NKAIN2: variants seen among roughly 807,000 people sequenced by gnomAD.
The protein encoded by NKAIN2 is sodium/potassium transporting ATPase interacting 2.
Under a neutral mutation model 32.6 loss-of-function variants are expected in NKAIN2, and 14 were observed. The ratio of observed to expected loss-of-function variants is 0.43; its 90% CI spans 0.28 to 0.67. The LOEUF (loss-of-function observed/expected upper bound fraction) is 0.67. Ranked by LOEUF, NKAIN2 falls within the 30% of genes least tolerant of loss-of-function variation. The pLI, the probability that NKAIN2 is intolerant of heterozygous loss-of-function variation, is 0.17. For synonymous variants in NKAIN2, 80 were observed against 87.2 expected (o/e 0.92, Z 0.46); for missense variants, 198 against 258.3 (o/e 0.77, Z 1.60).
intron 1 of NKAIN2, among the ~76,000 whole-genome samples, chr6:123,861,470 G>A (rs1775783094): frequency 6.6e-6 from 1 of 152,120 alleles, no homozygotes; most frequent in African/African-American, 2.4e-5. Context: ...TTACAGTCCT[G>A]GTGATACACC....
chr6:124,540,486 A>T (rs1434305782), intron 3 of NKAIN2, among the ~76,000 whole-genome samples: 1 of 152,234 alleles, frequency 6.6e-6, no homozygotes, highest in Non-Finnish European at 1.5e-5. Context: ...TATTTTAAGG[A>T]AATATAGTTC....
chr6:124,332,694 A>T (rs921348360), intron 2 of NKAIN2, among the ~76,000 whole-genome samples: 6 of 152,190 alleles, frequency 3.9e-5, no homozygotes, highest in Admixed American at 3.9e-4. Context: ...ATGTCACTCT[A>T]CAATCATTAT....
intron 3 of NKAIN2, among the ~76,000 whole-genome samples, chr6:124,510,258 T>G (rs2114771265): frequency 6.6e-6 from 1 of 152,294 alleles, no homozygotes; most frequent in African/African-American, 2.4e-5. Context: ...ACCTTGTTCC[T>G]TTAATTTACT....
chr6:124,422,984 A>C (rs1774824576), intron 3 of NKAIN2, among the ~76,000 whole-genome samples: 1 of 152,250 alleles, frequency 6.6e-6, no homozygotes, highest in Admixed American at 6.5e-5. Context: ...CTAATTCCCG[A>C]GATAAAAATA....
At chr6:124,511,323 A>G (rs1290955877) in intron 3 of NKAIN2, among the ~76,000 whole-genome samples, 7 of 152,174 alleles carry the variant, frequency 4.6e-5, no homozygotes, top group African/African-American at 1.7e-4. Flanking sequence ...TAAAAACATG[A>G]TGAATTCTAC....
At chr6:124,180,968 G>A (rs946157719) in intron 1 of NKAIN2, among the ~76,000 whole-genome samples, 9 of 152,120 alleles carry the variant, frequency 5.9e-5, no homozygotes, top group African/African-American at 2.2e-4. Flanking sequence ...CTTTGACTCT[G>A]CAATTTCAGT....
At chr6:124,138,503 A>T (rs1001711576) in intron 1 of NKAIN2, among the ~76,000 whole-genome samples, 1 of 152,018 alleles carries the variant, frequency 6.6e-6, no homozygotes, top group African/African-American at 2.4e-5. Flanking sequence ...TATCCAGAGG[A>T]AAAGAAGTCA....
chr6:124,235,773 A>G (rs1792720885), intron 1 of NKAIN2, among the ~76,000 whole-genome samples: 1 of 151,578 alleles, frequency 6.6e-6, no homozygotes, highest in Admixed American at 6.6e-5. Flanking sequence ...TAGTTTTTGT[A>G]TTTTTAGTAG....
rs187504696 is a variant in NKAIN2 at position 124,077,726 on chromosome 6, T to C, written c.55-205279T>C. Among the ~76,000 whole-genome samples, 171 of 152,024 alleles carry C rather than the reference T, an allele frequency of 1.1e-3. 2 individuals carry two copies. The East Asian group carries it at 0.023, about 21-fold the overall frequency. On this transcript the variant is annotated intron_variant, in intron 1 of 6. Transcript: ENST00000368417. ...ATCCTCTAGCCTCAGCCTGCCTCCC[T>C]TGTGGGACCATAGATGCTCACCACC...
intron 1 of NKAIN2, among the ~76,000 whole-genome samples, chr6:123,833,120 G>A (rs1774454170): frequency 6.6e-6 from 1 of 152,066 alleles, no homozygotes. Flanking sequence ...TGTTGATTTT[G>A]TGAAAGGTGT....
chr6:123,886,393 C>T (rs1233461565), intron 1 of NKAIN2, among the ~76,000 whole-genome samples: 1 of 152,022 alleles, frequency 6.6e-6, no homozygotes, highest in Admixed American at 6.6e-5. Flanking sequence ...AAGAAGCACA[C>T]CCAGTACATA....
At chr6:123,824,395 T>G (rs548215572) in intron 1 of NKAIN2, among the ~76,000 whole-genome samples, 10 of 152,162 alleles carry the variant, frequency 6.6e-5, no homozygotes, top group African/African-American at 2.4e-4. Flanking sequence ...TTCTGGGAGC[T>G]ACACTGGTGG....
chr6:124,665,271 G>T (rs919498644), intron 4 of NKAIN2, among the ~76,000 whole-genome samples: 2 of 152,106 alleles, frequency 1.3e-5, no homozygotes, highest in Non-Finnish European at 2.9e-5. Flanking sequence ...TAAAAAAGCT[G>T]CAGTAATTGA....
At chr6:124,069,637 G>A (rs970188860) in intron 1 of NKAIN2, among the ~76,000 whole-genome samples, 5 of 152,158 alleles carry the variant, frequency 3.3e-5, no homozygotes, top group Admixed American at 1.3e-4. Context: ...GATTGGGTTT[G>A]TTGCTTCCCC....
intron 2 of NKAIN2, among the ~76,000 whole-genome samples, chr6:124,284,384 A>G (rs1411432092): frequency 6.6e-6 from 1 of 152,186 alleles, no homozygotes; most frequent in Non-Finnish European, 1.5e-5. Flanking sequence ...GACTTTAGAT[A>G]ACTTCACCTC....
chr6:124,027,435 G>A lies in NKAIN2; in HGVS notation c.54+223181G>A, dbSNP rs528224951. 6.6e-5 allele frequency among the ~76,000 whole-genome samples: 10 copies of A among 152,172 alleles called. 1 individual carries two copies. The highest frequency in any genetic ancestry group is 3.3e-4 in the Admixed American group (5 of 15,286). On this transcript the variant is annotated intron_variant, in intron 1 of 6. Transcript: ENST00000368417. ...GGTGGGATTACAGGCGTGAGCCACC[G>A]CGCCCAGCCAATTATCACTCATATT... is the stretch of plus-strand genomic sequence containing the variant.
Position 124,346,429 on chromosome 6 carries a change from TG to T in NKAIN2, c.193-8834del, listed in dbSNP as rs1798427539. Among the ~76,000 whole-genome samples the T allele has an allele frequency of 2.0e-5, 3 of 152,296 alleles. No homozygotes were observed. In the South Asian group the frequency reaches 6.2e-4, roughly 32 times the overall value. On this transcript the variant is annotated intron_variant, in intron 2 of 6. Transcript: ENST00000368417. ...TCATTGATCTGTCTAATGTTGACAG[TG>T]GGGTGTTAAAGTCTCCCATTGTTAT...
Position 124,714,668 on chromosome 6 carries a change from G to C in NKAIN2, c.474+56282G>C, listed in dbSNP as rs953027637. On this transcript the variant is annotated intron_variant, in intron 4 of 6. Coordinates refer to ENST00000368417, the MANE Select transcript of NKAIN2 (RefSeq NM_001040214.3). ...TAAAGAAGAAAGTGGTGTACTTACA[G>C]ATCTAATTTTCATCTGAGCATAGTA... 1.2e-4 allele frequency among the ~76,000 whole-genome samples: 19 copies of C among 152,198 alleles called. 1 individual carries two copies. The highest frequency in any genetic ancestry group is 1.2e-3 in the Admixed American group (18 of 15,286).
At chr6:123,941,002 CTTAA>C (rs1272223573) in intron 1 of NKAIN2, among the ~76,000 whole-genome samples, 1 of 151,510 alleles carries the variant, frequency 6.6e-6, no homozygotes, top group Non-Finnish European at 1.5e-5. Context: ...TCTTTATGTC[CTTAA>C]TTTATAAGCG....
Sources: allele counts gnomAD v4.1 joint callset (sites outside exome capture counted in the v4.1 genomes callset), GRCh38; gene constraint gnomAD v4.1.1; transcripts MANE v1.5; gene names NCBI Gene and HGNC (gene_info 2026-07-23, HGNC 2026-07-21).